Variants in RAPGEF1 observed in about 807,000 individuals in gnomAD.
The protein encoded by RAPGEF1 is Rap guanine nucleotide exchange factor 1, also known as CRK SH3-binding GNRP.
A neutral mutation model predicts 143.3 loss-of-function variants in RAPGEF1; 33 were observed. The observed-to-expected ratio is 0.23, with a 90% CI of 0.17 to 0.31. RAPGEF1 has a LOEUF of 0.31. Among genes scored for constraint, RAPGEF1 ranks in the 10% least tolerant of loss-of-function variants. The pLI is 1.00. For synonymous variants in RAPGEF1, 629 were observed against 676.5 expected, an observed-to-expected ratio of 0.93 and a Z score of 1.09; for missense variants, 1,199 against 1,645.4, an observed-to-expected ratio of 0.73 and a Z score of 4.69.
At chr9:131,623,974 C>A (rs1962121222) in intron 10 of RAPGEF1, among the ~76,000 whole-genome samples, 1 of 152,208 alleles carries the variant, frequency 6.6e-6, no homozygotes, top group Non-Finnish European at 1.5e-5. Flanking sequence ...AGACTGGGGA[C>A]AAGGATGAGG....
intron 22 of RAPGEF1, 94 bp downstream of exon 22, chr9:131,587,642 C>A (rs1750171243): frequency 8.7e-7 from 1 of 1,154,720 alleles, no homozygotes. Flanking sequence ...AGCTCCTTCT[C>A]CTACCATTCA....
intron 1 of RAPGEF1, among the ~76,000 whole-genome samples, chr9:131,690,707 G>A (rs937878393): frequency 1.3e-5 from 2 of 152,192 alleles, no homozygotes; most frequent in African/African-American, 4.8e-5. Flanking sequence ...GAAGGCAGAG[G>A]TGGGACCCTG....
intron 1 of RAPGEF1, among the ~76,000 whole-genome samples, chr9:131,664,717 T>C (rs1430748554): frequency 6.6e-6 from 1 of 152,244 alleles, no homozygotes; most frequent in Non-Finnish European, 1.5e-5. Context: ...TTAGAATATA[T>C]CCTGTGATGG....
At chr9:131,586,370 ACACC>A (rs1273317501) in intron 22 of RAPGEF1, among the ~76,000 whole-genome samples, 2 of 125,366 alleles carry the variant, frequency 1.6e-5, no homozygotes, top group African/African-American at 3.1e-5. Context: ...ACACACACAC[ACACC>A]CACCTGCAGA....
rs966155676 is a variant in RAPGEF1 at position 131,579,439 on chromosome 9, G to A, written c.*58C>T. The A allele has an allele frequency of 6.9e-6, 11 of 1,588,258 alleles. No individual in the cohort carries two copies. Among genetic ancestry groups the A allele is most frequent in the African/African-American group, 4.1e-5 (3 of 74,016 alleles). ...GCCTAACAGGTCCAAGGTCCTCTCC[G>A]GTCTGGGAGCTGCCCTCTGCGCCCC... On this transcript the variant is annotated 3_prime_UTR_variant, in exon 27 of 27. Transcript: ENST00000683357.
At chr9:131,597,120 C>T (rs1416137917) in intron 16 of RAPGEF1, among the ~76,000 whole-genome samples, 2 of 152,216 alleles carry the variant, frequency 1.3e-5, no homozygotes, top group Non-Finnish European at 2.9e-5. Context: ...GTTTCTGCCC[C>T]TGGCCCTCAA....
chr9:131,599,530 G>A (rs1052194122), intron 15 of RAPGEF1, among the ~76,000 whole-genome samples: 16 of 151,484 alleles, frequency 1.1e-4, no homozygotes, highest in African/African-American at 3.6e-4. Flanking sequence ...GTCTGGCCTC[G>A]TCTAAAGGTC....
At chr9:131,703,584 TA>T (rs548590879) in intron 1 of RAPGEF1, among the ~76,000 whole-genome samples, 386 of 152,234 alleles carry the variant, frequency 2.5e-3, no homozygotes, top group Non-Finnish European at 4.6e-3. Context: ...AGAAATTAAG[TA>T]ACTTGCTGAA....
chr9:131,653,499 G>A (rs73559695), intron 1 of RAPGEF1, among the ~76,000 whole-genome samples: 3,705 of 152,256 alleles, frequency 0.024, 155 homozygotes, highest in African/African-American at 0.084. Context: ...TGGGCAAAGA[G>A]TCTGAGCAGA....
At position 131,584,861 on chromosome 9, in the gene RAPGEF1, G is replaced by A. The variant is rs1047053537; in HGVS notation, c.3234-265C>T. ...CTGGTGAAGGCCCAAAGGGGGCTTC[G>A]AATCTGCAGGTGGAGCATGGGAGGA... On this transcript the variant is annotated intron_variant, in intron 22 of 26. Coordinates refer to ENST00000683357, the MANE Select transcript of RAPGEF1 (RefSeq NM_001377935.1). This position sits in a 1 kb window ranked among gnomAD's most constrained non-coding sequence, Gnocchi z 6.8. Among the ~76,000 whole-genome samples, 2 of 152,212 alleles carry A rather than the reference G, an allele frequency of 1.3e-5. No individual in the cohort carries two copies. The highest frequency in any genetic ancestry group is 2.9e-5 in the Non-Finnish European group (2 of 68,038).
chr9:131,588,071 C>T (rs373366753), intron 20 of RAPGEF1, 45 bp from the exon 21 acceptor site: 80 of 1,526,632 alleles, frequency 5.2e-5, no homozygotes, highest in African/African-American at 9.6e-5. Flanking sequence ...GTGGGGAGGC[C>T]GGTGGGGAGG....
chr9:131,674,635 G>A (rs1831983187), intron 1 of RAPGEF1, among the ~76,000 whole-genome samples: 1 of 152,088 alleles, frequency 6.6e-6, no homozygotes, highest in South Asian at 2.1e-4. Flanking sequence ...GCGTGGAGGT[G>A]GGAACCGCTG....
rs1963854929 is a variant in RAPGEF1 at position 131,628,270 on chromosome 9, G to C, written c.1018-174C>G. On this transcript the variant is annotated intron_variant, in intron 8 of 26. Coordinates refer to ENST00000683357, the MANE Select transcript of RAPGEF1 (RefSeq NM_001377935.1). The surrounding 1 kb of genome is among the most constrained non-coding windows in gnomAD (Gnocchi z 5.7). ...CATACAGCTGAGAAGCAGCCATCTG[G>C]AGTTTGTGGGGGGTGTGGCCAGGGA... 6.6e-6 allele frequency among the ~76,000 whole-genome samples: 1 copy of C among 152,218 alleles called. No homozygotes were observed.
chr9:131,656,743 T>C (rs1972575690), intron 1 of RAPGEF1, among the ~76,000 whole-genome samples: 1 of 151,828 alleles, frequency 6.6e-6, no homozygotes, highest in African/African-American at 2.4e-5. Context: ...AAAAACCCTC[T>C]CAGGTTCATG....
chr9:131,728,279 T>C (rs1358574313), intron 1 of RAPGEF1, among the ~76,000 whole-genome samples: 1 of 152,196 alleles, frequency 6.6e-6, no homozygotes, highest in African/African-American at 2.4e-5. Context: ...TTGAATGTCT[T>C]GTGGTTTTTA....
chr9:131,611,196 T>C (rs903365563), intron 12 of RAPGEF1, among the ~76,000 whole-genome samples: 3 of 152,232 alleles, frequency 2.0e-5, no homozygotes, highest in African/African-American at 7.2e-5. Context: ...TCTTTGATCC[T>C]GGTAAGAAGG....
At chr9:131,720,272 C>T (rs1221420561) in intron 1 of RAPGEF1, among the ~76,000 whole-genome samples, 3 of 152,226 alleles carry the variant, frequency 2.0e-5, no homozygotes, top group Admixed American at 2.0e-4. Flanking sequence ...CATAGCACAG[C>T]TCCTGGCATT....
chr9:131,611,870 A>C (rs924724915), intron 12 of RAPGEF1, among the ~76,000 whole-genome samples: 1 of 152,200 alleles, frequency 6.6e-6, no homozygotes, highest in African/African-American at 2.4e-5. Context: ...AAGCAGTTCA[A>C]AAATGGGCAA....
At chr9:131,736,370 C>A (rs1837416774) in intron 1 of RAPGEF1, among the ~76,000 whole-genome samples, 1 of 152,322 alleles carries the variant, frequency 6.6e-6, no homozygotes, top group South Asian at 2.1e-4. Context: ...ACTTGACAGG[C>A]CCCCACCAGC....
Sources: gnomAD v4.1 joint callset for allele counts (sites outside exome capture counted in the v4.1 genomes callset) on GRCh38, gnomAD v4.1.1 for gene constraint, Gnocchi (gnomAD v3.1) non-coding constraint, MANE v1.5 for transcripts, NCBI Gene and HGNC (gene_info 2026-07-23, HGNC 2026-07-21) for gene names.